Variants in CEP70 observed in about 807,000 individuals in gnomAD.
The protein encoded by CEP70 is centrosomal protein 70.
Under a neutral mutation model 90.9 loss-of-function variants are expected in CEP70, and 70 were observed. That is an observed-to-expected ratio of 0.77 (90% confidence interval 0.64 to 0.94). The LOEUF (loss-of-function observed/expected upper bound fraction) is 0.94, where lower values mean the gene tolerates loss of function less well. CEP70 is among the 40% of genes least tolerant of loss of function. The pLI, the probability that CEP70 is intolerant of heterozygous loss-of-function variation, is 0.00. For missense variants in CEP70, 648 were observed against 669.0 expected, an observed-to-expected ratio of 0.97 and a Z score of 0.35; for synonymous variants, 220 against 228.3, an observed-to-expected ratio of 0.96 and a Z score of 0.33.
At chr3:138,582,364 C>T (rs984990962) in intron 2 of CEP70, among the ~76,000 whole-genome samples, 4 of 152,002 alleles carry the variant, frequency 2.6e-5, no homozygotes, top group Admixed American at 2.0e-4. Flanking sequence ...CCCAGCTACT[C>T]GGGAGGCTGA....
At chr3:138,571,489 A>G (rs988132500) in intron 3 of CEP70, 133 bp from the exon 4 acceptor site, 6 of 632,208 alleles carry the variant, frequency 9.5e-6, no homozygotes, top group Non-Finnish European at 1.4e-5. Flanking sequence ...TTATGCATAT[A>G]TAATATCCAA....
intron 11 of CEP70, among the ~76,000 whole-genome samples, chr3:138,515,842 A>C (rs916395503): frequency 6.6e-6 from 1 of 152,002 alleles, no homozygotes; most frequent in African/African-American, 2.4e-5. Flanking sequence ...ACTTCCCTAC[A>C]TCCTCCTTCT....
chr3:138,496,233 ACTCT>A (rs1369396616), intron 17 of CEP70: 1 of 984,950 alleles, frequency 1.0e-6, no homozygotes, highest in Non-Finnish European at 1.2e-6. Flanking sequence ...TTGGATTCCA[ACTCT>A]CTCCATTGTG....
intron 12 of CEP70, among the ~76,000 whole-genome samples, chr3:138,507,106 T>C (rs1193256210): frequency 2.0e-5 from 3 of 152,120 alleles, no homozygotes; most frequent in Non-Finnish European, 2.9e-5. Flanking sequence ...TGAAATCCAG[T>C]TATATACTGG....
intron 12 of CEP70, among the ~76,000 whole-genome samples, chr3:138,506,170 A>G (rs759034857): frequency 3.9e-5 from 6 of 152,202 alleles, no homozygotes; most frequent in Non-Finnish European, 5.9e-5. Flanking sequence ...GAACATTATC[A>G]GACTATTTAA....
intron 11 of CEP70, among the ~76,000 whole-genome samples, chr3:138,509,339 T>C: frequency 6.6e-6 from 1 of 152,296 alleles, no homozygotes; most frequent in East Asian, 1.9e-4. Context: ...CTTTGTATTC[T>C]ACCAGTGGCA....
intron 10 of CEP70, among the ~76,000 whole-genome samples, chr3:138,527,398 T>C (rs1162974171): frequency 6.6e-6 from 1 of 151,896 alleles, no homozygotes; most frequent in East Asian, 1.9e-4. Flanking sequence ...CCTGGCTAAT[T>C]TTTAAAATTA....
chr3:138,530,688 C>T (rs978909625), intron 8 of CEP70: 3 of 985,256 alleles, frequency 3.0e-6, no homozygotes, highest in Admixed American at 1.2e-4. Context: ...CTTAGGCCTC[C>T]AAATCTTGGC....
chr3:138,541,364 G>A (rs1194658314), intron 6 of CEP70, among the ~76,000 whole-genome samples: 1 of 151,670 alleles, frequency 6.6e-6, no homozygotes, highest in Non-Finnish European at 1.5e-5. Context: ...AAGCATATTG[G>A]CCAGGAGGGA....
Position 138,571,120 on chromosome 3 carries a change from C to A in CEP70, c.198G>T (p.Met66Ile). 1 of 1,601,740 alleles carries A rather than the reference C, an allele frequency of 6.2e-7. No individual in the cohort carries two copies. The highest frequency in any genetic ancestry group is 1.1e-5 in the South Asian group (1 of 90,232). Residue 66 changes from methionine (M) to isoleucine (I), a missense_variant, in exon 5 of 18, where the codon ATG becomes ATT. By Grantham distance (10) the Met-to-Ile change is conservative. Coordinates refer to ENST00000264982, the MANE Select transcript of CEP70 (RefSeq NM_024491.4). ...IIFDKQSSQR[M>I]RQNLKLLVEE... ...CCACCAACAATTTCAAATTCTGTCT[C>A]ATCCTTTGTGATGACTGTTTGTCAA...
chr3:138,500,081 G>A (rs766340007), intron 16 of CEP70, 29 bp downstream of exon 16: 1 of 1,456,220 alleles, frequency 6.9e-7, no homozygotes, highest in African/African-American at 1.4e-5. Flanking sequence ...CATTCTGGAT[G>A]ATACTTTGTA....
chr3:138,525,343 A>C lies in CEP70; in HGVS notation c.944+147T>G, dbSNP rs538490441. The C allele has an allele frequency of 1.8e-3, 452 of 248,904 alleles. 4 individuals are homozygous for C. The highest frequency in any genetic ancestry group is 9.8e-3 in the African/African-American group (429 of 43,756). 15.4% of individuals were successfully genotyped at this position (248,904 alleles called of 1,614,324 possible). On this transcript the variant is annotated intron_variant, in intron 11 of 17. Transcript: ENST00000264982. ...GACGAGTTACTGGGTGTAGCACACC[A>C]ACATGGCACATGTATACATATGTAA... is the stretch of plus-strand genomic sequence containing the variant.
At chr3:138,521,483 GTC>G (rs1161193977) in intron 11 of CEP70, among the ~76,000 whole-genome samples, 1 of 149,930 alleles carries the variant, frequency 6.7e-6, no homozygotes, top group East Asian at 2.0e-4. Context: ...AGTGAGGAGC[GTC>G]TCTGCCTGGC....
intron 17 of CEP70, chr3:138,496,325 G>T: frequency 1.0e-6 from 1 of 985,372 alleles, no homozygotes; most frequent in South Asian, 4.7e-5. Context: ...GTTCTTTTAA[G>T]CTCCCGACTT....
chr3:138,541,573 G>A (rs2038771396), intron 6 of CEP70, among the ~76,000 whole-genome samples: 1 of 152,170 alleles, frequency 6.6e-6, no homozygotes, highest in African/African-American at 2.4e-5. Flanking sequence ...CACTATGAAA[G>A]AGAAGGACAC....
intron 6 of CEP70, among the ~76,000 whole-genome samples, chr3:138,543,580 G>A (rs1358836648): frequency 2.0e-5 from 3 of 152,194 alleles, no homozygotes; most frequent in Non-Finnish European, 4.4e-5. Context: ...GTGCCTGGGA[G>A]CACAGGGTCC....
chr3:138,567,179 T>A (rs894623009), intron 6 of CEP70, among the ~76,000 whole-genome samples: 1 of 152,284 alleles, frequency 6.6e-6, no homozygotes, highest in Admixed American at 6.5e-5. Flanking sequence ...TCAATATACC[T>A]CAAACATTTG....
chr3:138,562,361 C>T lies in CEP70; in HGVS notation c.465+7957G>A, dbSNP rs143947487. ...CAAGTTCAGAAAAAAACAGAGAACACCACAAAGATACTCCTTGAGAAGAGC... is the reference window on the plus strand; with the variant it reads ...CAAGTTCAGAAAAAAACAGAGAACATCACAAAGATACTCCTTGAGAAGAGC... On this transcript the variant is annotated intron_variant, in intron 6 of 17. Transcript: ENST00000264982. Among the ~76,000 whole-genome samples the T allele has an allele frequency of 5.7e-3, 860 of 152,108 alleles. 7 individuals are homozygous for T. The highest frequency in any genetic ancestry group is 0.02 in the African/African-American group (828 of 41,474).
Position 138,521,051 on chromosome 3 carries a change from C to G in CEP70, c.944+4439G>C, listed in dbSNP as rs534445851. On this transcript the variant is annotated intron_variant, in intron 11 of 17. Transcript: ENST00000264982. ...TCTCCAACTCCTGACCTCGAGTGAT[C>G]TGCCTGCCTCGGCCTCCCGAGGTGC... is the stretch of plus-strand genomic sequence containing the variant. Among the ~76,000 whole-genome samples the G allele has an allele frequency of 7.9e-5, 12 of 152,304 alleles. No individual in the cohort carries two copies. The East Asian group carries it at 2.3e-3, about 30-fold the overall frequency.
Sources: allele counts gnomAD v4.1 joint callset (sites outside exome capture counted in the v4.1 genomes callset), GRCh38; gene constraint gnomAD v4.1.1; transcripts MANE v1.5; gene names NCBI Gene and HGNC (gene_info 2026-07-23, HGNC 2026-07-21).